The following CTNND2 variants were observed in gnomAD, a reference collection of about 807,000 sequenced individuals.
CTNND2 encodes the protein catenin delta 2.
In CTNND2, 22 loss-of-function variants were observed where a neutral mutation model predicts 144.4. The observed-to-expected ratio is 0.15, with a 90% CI of 0.11 to 0.22. The LOEUF (loss-of-function observed/expected upper bound fraction) is 0.22, where lower values mean the gene tolerates loss of function less well. CTNND2 is among the 10% of genes least tolerant of loss of function. The probability of loss-of-function intolerance (pLI) is 1.00; values close to 1 mark genes in which losing one functional copy is unlikely to be tolerated. For missense variants in CTNND2, 1,353 were observed against 1,618.8 expected (o/e 0.84, Z 2.82); for synonymous variants, 751 against 695.6 (o/e 1.08, Z -1.25).
chr5:11,190,427 C>T (rs1360929908), intron 11 of CTNND2, among the ~76,000 whole-genome samples: 1 of 152,166 alleles, frequency 6.6e-6, no homozygotes, highest in African/African-American at 2.4e-5. Flanking sequence ...GGGAAGCTGC[C>T]CTGATCCAAC....
chr5:11,900,069 A>G (rs1275076212), intron 1 of CTNND2, among the ~76,000 whole-genome samples: 1 of 152,210 alleles, frequency 6.6e-6, no homozygotes, highest in East Asian at 1.9e-4. Context: ...ATAATATATA[A>G]GAACCCAATA....
At chr5:11,638,296 A>T (rs996593114) in intron 2 of CTNND2, among the ~76,000 whole-genome samples, 3 of 152,146 alleles carry the variant, frequency 2.0e-5, no homozygotes, top group African/African-American at 7.2e-5. Context: ...AGTAACACTT[A>T]TTTTTGGTAT....
chr5:11,063,382 T>C (rs967390056), intron 16 of CTNND2, among the ~76,000 whole-genome samples: 9 of 152,154 alleles, frequency 5.9e-5, no homozygotes, highest in South Asian at 2.1e-4. Flanking sequence ...AAATGATATA[T>C]TATTTTGATC....
intron 1 of CTNND2, among the ~76,000 whole-genome samples, chr5:11,866,243 T>C (rs1795762508): frequency 6.6e-6 from 1 of 152,136 alleles, no homozygotes; most frequent in Admixed American, 6.5e-5. Context: ...TTTAAAGCTG[T>C]AGTGAGCTAT....
intron 9 of CTNND2, among the ~76,000 whole-genome samples, chr5:11,329,310 A>T (rs11750170): frequency 0.025 from 3,878 of 152,166 alleles, 65 homozygotes; most frequent in Admixed American, 0.05. Flanking sequence ...ATGCGCCACC[A>T]CACGCGGCTA....
At chr5:11,363,255 T>G in intron 8 of CTNND2, among the ~76,000 whole-genome samples, 1 of 152,330 alleles carries the variant, frequency 6.6e-6, no homozygotes. Context: ...TTTTTTCTTA[T>G]GTAGCTAATT....
chr5:11,093,152 A>C (rs2149656810), intron 15 of CTNND2, among the ~76,000 whole-genome samples: 1 of 152,332 alleles, frequency 6.6e-6, no homozygotes, highest in East Asian at 1.9e-4. Flanking sequence ...TGCTTTGAAA[A>C]GAGTCACACT....
chr5:11,579,405 T>A lies in CTNND2; in HGVS notation c.175-14349A>T, dbSNP rs576729645. ...GAAGTGTCTTAATGGATGTACATTA[T>A]CAAGTTTGCAGGCTTATTTTCAGTC... On this transcript the variant is annotated intron_variant, in intron 2 of 21. Transcript: ENST00000304623. Among the ~76,000 whole-genome samples, 14 of 152,306 alleles carry A rather than the reference T, an allele frequency of 9.2e-5. No homozygotes were observed. In the South Asian group the frequency reaches 2.9e-3, roughly 32 times the overall value.
Position 11,160,044 on chromosome 5 carries a change from G to A in CTNND2, c.1976-285C>T, listed in dbSNP as rs16901327. Among the ~76,000 whole-genome samples, 73 of 152,268 alleles carry A rather than the reference G, an allele frequency of 4.8e-4. No homozygotes were observed. In the East Asian group the frequency reaches 0.011, roughly 23 times the overall value. ...TGATTGAACTGAGGCTACCAACAACGCTTCTGTTCCATTTTAATACAATGG... is the reference window on the plus strand; with the variant it reads ...TGATTGAACTGAGGCTACCAACAACACTTCTGTTCCATTTTAATACAATGG... On this transcript the variant is annotated intron_variant, in intron 11 of 21. Coordinates refer to ENST00000304623, the MANE Select transcript of CTNND2 (RefSeq NM_001332.4).
intron 3 of CTNND2, among the ~76,000 whole-genome samples, chr5:11,495,186 TA>T (rs1769812391): frequency 6.6e-6 from 1 of 152,220 alleles, no homozygotes; most frequent in African/African-American, 2.4e-5. Context: ...CAACTGTATT[TA>T]ACTGACTCTG....
intron 11 of CTNND2, among the ~76,000 whole-genome samples, chr5:11,175,444 C>T (rs985630422): frequency 6.6e-6 from 1 of 152,128 alleles, no homozygotes; most frequent in South Asian, 2.1e-4. Context: ...TGTCACTTTA[C>T]AGAAATAGAA....
intron 1 of CTNND2, among the ~76,000 whole-genome samples, chr5:11,852,852 T>A (rs1226703889): frequency 6.6e-6 from 1 of 152,180 alleles, no homozygotes; most frequent in East Asian, 1.9e-4. Context: ...AGGAAACCAA[T>A]TTGATAATGG....
intron 6 of CTNND2, chr5:11,385,718 T>C (rs1759018032): frequency 6.6e-6 from 1 of 152,210 alleles, no homozygotes; most frequent in African/African-American, 2.4e-5. Context: ...CCGAGTTACA[T>C]ACTTATCTGG....
At chr5:11,640,515 A>G (rs947829183) in intron 2 of CTNND2, among the ~76,000 whole-genome samples, 6 of 152,232 alleles carry the variant, frequency 3.9e-5, no homozygotes, top group Non-Finnish European at 5.9e-5. Flanking sequence ...GAAAAAACCA[A>G]CAACAATAAC....
intron 1 of CTNND2, among the ~76,000 whole-genome samples, chr5:11,799,370 T>C (rs146768032): frequency 1.9e-3 from 292 of 152,284 alleles, no homozygotes; most frequent in African/African-American, 6.5e-3. Context: ...TGAATAAAGA[T>C]ATGGGTTCCT....
chr5:10,986,641 G>C, intron 20 of CTNND2: 1 of 456,130 alleles, frequency 2.2e-6, no homozygotes. Context: ...TAGTAACCTA[G>C]AGTCCATGTA....
At chr5:11,584,690 A>C (rs1321195746) in intron 2 of CTNND2, among the ~76,000 whole-genome samples, 1 of 152,214 alleles carries the variant, frequency 6.6e-6, no homozygotes, top group African/African-American at 2.4e-5. Flanking sequence ...ATTCAAAAAT[A>C]ACAAAAATGC....
In CTNND2 at chr5:11,904,047, T is replaced by G. The variant is rs866690969; in HGVS notation, c.-194A>C. On this transcript the variant is annotated 5_prime_UTR_variant, in exon 1 of 22. Transcript: ENST00000304623. The surrounding 1 kb of genome is among the most constrained non-coding windows in gnomAD (Gnocchi z 4.2). ...GGCGAGAGGCGGCTCCCGACGCGAG[T>G]GCGCAGCGCCCGGCCCGGCGGCCCC... is the stretch of plus-strand genomic sequence containing the variant. The G allele has an allele frequency of 3.8e-4, 142 of 372,238 alleles. 1 individual carries two copies. In the South Asian group the frequency reaches 5.0e-3, roughly 13 times the overall value. The allele number at this position is 372,238 out of a possible 1,614,324, so 23.1% of individuals were successfully genotyped here.
intron 3 of CTNND2, among the ~76,000 whole-genome samples, chr5:11,427,979 A>G (rs557048987): frequency 6.6e-6 from 1 of 152,300 alleles, no homozygotes; most frequent in African/African-American, 2.4e-5. Context: ...CACTTCTTAC[A>G]TGGTGACAGC....
Sources: allele counts gnomAD v4.1 joint callset (sites outside exome capture counted in the v4.1 genomes callset), GRCh38; gene constraint gnomAD v4.1.1; non-coding constraint Gnocchi (gnomAD v3.1); transcripts MANE v1.5; gene names NCBI Gene and HGNC (gene_info 2026-07-23, HGNC 2026-07-21).